The following ADGRE3 variants were observed in gnomAD, a reference collection of about 807,000 sequenced individuals.
The protein encoded by ADGRE3 is EGF-like module receptor 3.
Under a neutral mutation model 80.1 loss-of-function variants are expected in ADGRE3, and 88 were observed. The ratio of observed to expected loss-of-function variants is 1.10; its 90% CI spans 0.93 to 1.31. ADGRE3 has a LOEUF of 1.31. Among genes scored for constraint, ADGRE3 ranks in the 40% most tolerant of loss-of-function variants. The probability of loss-of-function intolerance (pLI) is 0.00; values close to 1 mark genes in which losing one functional copy is unlikely to be tolerated. For synonymous variants in ADGRE3, 281 were observed against 294.8 expected, an observed-to-expected ratio of 0.95 and a Z score of 0.48; for missense variants, 715 against 776.5, an observed-to-expected ratio of 0.92 and a Z score of 0.94.
chr19:14,629,777 GCTGA>G (rs1443640758), intron 14 of ADGRE3, among the ~76,000 whole-genome samples: 3 of 152,132 alleles, frequency 2.0e-5, no homozygotes, highest in African/African-American at 7.2e-5. Flanking sequence ...CACAGCATTA[GCTGA>G]CTATTACGAG....
chr19:14,669,440 T>G (rs903076823), intron 1 of ADGRE3, among the ~76,000 whole-genome samples: 2 of 152,198 alleles, frequency 1.3e-5, no homozygotes, highest in Non-Finnish European at 2.9e-5. Flanking sequence ...TTGTGAATAG[T>G]GCTGCCATAG....
At chr19:14,625,153 T>C (rs893586478) in intron 15 of ADGRE3, among the ~76,000 whole-genome samples, 3 of 152,162 alleles carry the variant, frequency 2.0e-5, no homozygotes, top group African/African-American at 7.2e-5. Flanking sequence ...CTAATTTTTG[T>C]ATTTTTAGTA....
chr19:14,618,973 T>C (rs1324386409), downstream of ADGRE3: 1 of 188,258 alleles, frequency 5.3e-6, no homozygotes, highest in Non-Finnish European at 1.1e-5. Context: ...CAGTGGCTCA[T>C]GCCTGTAATC....
chr19:14,657,746 T>TATATA (rs57153320), intron 5 of ADGRE3, among the ~76,000 whole-genome samples: 4,202 of 108,062 alleles, frequency 0.039, 72 homozygotes, highest in African/African-American at 0.091. Flanking sequence ...TATATATATA[T>TATATA]TTTTTTGTTT....
At chr19:14,625,742 A>G (rs1389124118) in intron 14 of ADGRE3, 143 bp from the exon 15 acceptor site, 8 of 613,112 alleles carry the variant, frequency 1.3e-5, no homozygotes, top group Non-Finnish European at 2.4e-5. Flanking sequence ...ATGGAATATT[A>G]CTCAGTCTTA....
At chr19:14,611,131 G>A in the ADGRE3 span, 2 of 151,522 alleles carry the variant, frequency 1.3e-5, no homozygotes, top group Non-Finnish European at 2.9e-5. Flanking sequence ...CCACATCATT[G>A]CAAATTACAA....
intron 2 of ADGRE3, among the ~76,000 whole-genome samples, 157 bp from the exon 3 acceptor site, chr19:14,663,697 G>A (rs1343124099): frequency 7.9e-5 from 12 of 152,082 alleles, no homozygotes; most frequent in South Asian, 2.1e-4. Context: ...AAAATAGCCA[G>A]GCGTGGTGGT....
intron 10 of ADGRE3, among the ~76,000 whole-genome samples, chr19:14,641,067 A>G (rs1971233527): frequency 6.6e-6 from 1 of 152,186 alleles, no homozygotes; most frequent in South Asian, 2.1e-4. Context: ...TTGCCTTCCC[A>G]TAATTTGTGC....
At chr19:14,651,029 C>T in intron 7 of ADGRE3, 56 bp downstream of exon 7, 4 of 1,601,654 alleles carry the variant, frequency 2.5e-6, no homozygotes, top group East Asian at 2.2e-5. Flanking sequence ...TTCCCCATGA[C>T]TCACACAATG....
At position 14,659,646 on chromosome 19, in the gene ADGRE3, C is replaced by T. The variant is rs565821415; in HGVS notation, c.356-1096G>A. ...GACCAGCCTGGCCAACATGGCAAAA[C>T]CCTGTCTCTACTAAAAATACAAAAA... On this transcript the variant is annotated intron_variant, in intron 4 of 15. Coordinates refer to ENST00000253673, the MANE Select transcript of ADGRE3 (RefSeq NM_032571.5). 1.8e-4 allele frequency among the ~76,000 whole-genome samples: 28 copies of T among 151,554 alleles called. No homozygotes were observed. In the South Asian group the frequency reaches 2.9e-3, roughly 16 times the overall value.
chr19:14,650,569 C>T (rs1971567188), intron 7 of ADGRE3, among the ~76,000 whole-genome samples: 2 of 151,406 alleles, frequency 1.3e-5, no homozygotes, highest in South Asian at 4.2e-4. Context: ...TCTCTCTTTA[C>T]CCATCTGCCT....
At chr19:14,642,880 G>T (rs994490519) in intron 9 of ADGRE3, among the ~76,000 whole-genome samples, 2 of 152,140 alleles carry the variant, frequency 1.3e-5, no homozygotes, top group African/African-American at 4.8e-5. Flanking sequence ...GAATAGTGCT[G>T]CAGTGAACAT....
chr19:14,669,064 T>A (rs532272182), intron 1 of ADGRE3, among the ~76,000 whole-genome samples: 8 of 152,274 alleles, frequency 5.3e-5, no homozygotes, highest in African/African-American at 1.9e-4. Flanking sequence ...CTACTGGATA[T>A]CTACCCAAAG....
intron 4 of ADGRE3, among the ~76,000 whole-genome samples, chr19:14,661,430 A>T (rs983920555): frequency 6.6e-6 from 1 of 152,206 alleles, no homozygotes; most frequent in African/African-American, 2.4e-5. Flanking sequence ...GGGCATGGCT[A>T]CGCATCGTTT....
At chr19:14,600,891 C>CTTT in the ADGRE3 span, among the ~76,000 whole-genome samples, 14 of 63,218 alleles carry the variant, frequency 2.2e-4, no homozygotes, top group African/African-American at 6.7e-4. Flanking sequence ...GCTCGGCCTT[C>CTTT]TTTTTTTTTT....
At chr19:14,668,904 T>G in intron 1 of ADGRE3, 52 bp from the exon 2 acceptor site, 2 of 1,514,066 alleles carry the variant, frequency 1.3e-6, no homozygotes, top group Non-Finnish European at 1.8e-6. Flanking sequence ...TGAGGAGAGA[T>G]TCCAAGAAAT....
At chr19:14,667,085 C>T (rs1234328325) in intron 2 of ADGRE3, among the ~76,000 whole-genome samples, 2 of 152,132 alleles carry the variant, frequency 1.3e-5, no homozygotes, top group Non-Finnish European at 2.9e-5. Flanking sequence ...GTCTTCCTTC[C>T]AACATGGTGA....
chr19:14,624,605 A>T (rs1178232510), intron 15 of ADGRE3, among the ~76,000 whole-genome samples: 1 of 151,752 alleles, frequency 6.6e-6, no homozygotes, highest in African/African-American at 2.4e-5. Flanking sequence ...TATAAAAAAA[A>T]TTAGTAGGGC....
At chr19:14,607,495 G>T in the ADGRE3 span, among the ~76,000 whole-genome samples, 12 of 151,502 alleles carry the variant, frequency 7.9e-5, no homozygotes, top group African/African-American at 2.9e-4. Flanking sequence ...GAGCCACCGC[G>T]CCCGGCCAGG....
Sources: gnomAD v4.1 joint callset for allele counts (sites outside exome capture counted in the v4.1 genomes callset) on GRCh38, gnomAD v4.1.1 for gene constraint, MANE v1.5 for transcripts, NCBI Gene and HGNC (gene_info 2026-07-23, HGNC 2026-07-21) for gene names.